UST: variants seen among roughly 807,000 people sequenced by gnomAD.
UST encodes chondroitin sulfate 2-O-sulfotransferase.
In UST, 21 loss-of-function variants were observed where a neutral mutation model predicts 45.6. That is an observed-to-expected ratio of 0.46 (90% CI 0.33 to 0.66). The LOEUF is 0.66. Among genes scored for constraint, UST ranks in the 30% least tolerant of loss-of-function variants. UST has a pLI of 0.02. For synonymous variants in UST, 215 were observed against 200.6 expected, an observed-to-expected ratio of 1.07 and a Z score of -0.61; for missense variants, 463 against 512.4, an observed-to-expected ratio of 0.90 and a Z score of 0.93.
chr6:148,893,527 CAGAG>C (rs1779058432), intron 2 of UST, among the ~76,000 whole-genome samples: 1 of 152,210 alleles, frequency 6.6e-6, no homozygotes, highest in Non-Finnish European at 1.5e-5. Context: ...GAATCAAAGA[CAGAG>C]AGCACATGCT....
chr6:148,967,275 C>T (rs1204864878), intron 5 of UST, among the ~76,000 whole-genome samples: 1 of 151,716 alleles, frequency 6.6e-6, no homozygotes, highest in Non-Finnish European at 1.5e-5. Flanking sequence ...TTGGCAAGGC[C>T]CCAGCAGGAA....
intron 3 of UST, 29 bp downstream of exon 3, chr6:148,941,463 G>A (rs754943421): frequency 1.3e-6 from 2 of 1,570,524 alleles, no homozygotes; most frequent in Non-Finnish European, 1.7e-6. Flanking sequence ...TTGTTAAATT[G>A]TGTTTTGCTT....
intron 5 of UST, among the ~76,000 whole-genome samples, chr6:149,008,590 C>T (rs183201654): frequency 3.3e-5 from 5 of 152,156 alleles, no homozygotes; most frequent in African/African-American, 1.2e-4. Flanking sequence ...TAAAGTTGGG[C>T]CAGGAAGCCA....
chr6:148,889,929 C>A (rs2114847474), intron 2 of UST, among the ~76,000 whole-genome samples: 1 of 151,830 alleles, frequency 6.6e-6, no homozygotes, highest in East Asian at 1.9e-4. Context: ...CAACCCCTAA[C>A]TAAAGCTTCT....
rs149044996 is a variant in UST, at chr6:148,870,865, C to A, written c.248-16121C>A. ...TATTTACTCTTTGAAAGACTCATCA[C>A]ACTCATAAATCAATACTTATTTTAT... On this transcript the variant is annotated intron_variant, in intron 1 of 7. Transcript: ENST00000367463. Among the ~76,000 whole-genome samples the A allele has an allele frequency of 3.3e-3, 502 of 152,292 alleles. 4 individuals carry two copies. Among genetic ancestry groups the A allele is most frequent in the African/African-American group, 0.012 (479 of 41,558 alleles).
intron 5 of UST, among the ~76,000 whole-genome samples, chr6:149,016,055 A>G (rs1775892834): frequency 6.6e-6 from 1 of 152,156 alleles, no homozygotes; most frequent in African/African-American, 2.4e-5. Context: ...GGGGCTTCTC[A>G]GCTCATTTCT....
intron 4 of UST, chr6:148,955,760 C>T (rs1780482244): frequency 6.6e-6 from 1 of 152,270 alleles, no homozygotes; most frequent in Admixed American, 6.5e-5. Flanking sequence ...CCCCTGACAT[C>T]CTTAAACCTC....
intron 1 of UST, among the ~76,000 whole-genome samples, chr6:148,831,625 C>T (rs980890566): frequency 3.3e-5 from 5 of 152,048 alleles, no homozygotes; most frequent in African/African-American, 1.2e-4. Flanking sequence ...TTGTTATCCC[C>T]TATTTTAAAA....
chr6:149,029,866 TTGTGTGTGTGTGTGTGTGTGTG>T (rs3074362), intron 7 of UST, among the ~76,000 whole-genome samples: 3 of 140,706 alleles, frequency 2.1e-5, no homozygotes, highest in South Asian at 2.4e-4. Context: ...GCACTGGATC[TTGTGTGTGTGTGTGTGTGTGTG>T]TGTGTGTGTG....
At chr6:148,915,285 C>T (rs1330182867) in intron 2 of UST, among the ~76,000 whole-genome samples, 3 of 152,110 alleles carry the variant, frequency 2.0e-5, no homozygotes, top group African/African-American at 7.2e-5. Context: ...AGATAGGCAC[C>T]TCTGAGTGGT....
rs184297412 is a variant in UST, at chr6:149,019,292, C to G, written c.779+56C>G. The G allele has an allele frequency of 2.7e-4, 371 of 1,350,480 alleles. 2 individuals are homozygous for G. In the East Asian group the frequency reaches 7.9e-3, roughly 29 times the overall value. The allele number at this position is 1,350,480 out of a possible 1,614,324, so 83.7% of individuals were successfully genotyped here. ...CGTACGCACAACAAGGGCAAGAACC[C>G]CACCAGCCTGGTACTCGGTGGGAAT... On this transcript the variant is annotated intron_variant, in intron 6 of 7. Coordinates refer to ENST00000367463, the MANE Select transcript of UST (RefSeq NM_005715.3).
intron 1 of UST, among the ~76,000 whole-genome samples, chr6:148,781,286 G>A (rs1023132802): frequency 2.0e-5 from 3 of 152,186 alleles, no homozygotes; most frequent in African/African-American, 7.2e-5. Context: ...TGGTAAGAAA[G>A]CTAAGGAGCC....
chr6:148,808,063 G>A (rs765912618), intron 1 of UST, among the ~76,000 whole-genome samples: 6 of 152,092 alleles, frequency 3.9e-5, no homozygotes, highest in Non-Finnish European at 8.8e-5. Flanking sequence ...TTGGGGTTAC[G>A]GGTATCAGTG....
intron 5 of UST, among the ~76,000 whole-genome samples, chr6:148,966,840 G>A (rs928132756): frequency 1.3e-5 from 2 of 152,216 alleles, no homozygotes; most frequent in Admixed American, 6.5e-5. Context: ...GGGTTCAAGC[G>A]ATTCTCCTGC....
At chr6:148,758,279 A>G (rs1776134749) in intron 1 of UST, among the ~76,000 whole-genome samples, 1 of 152,162 alleles carries the variant, frequency 6.6e-6, no homozygotes, top group Non-Finnish European at 1.5e-5. Flanking sequence ...CATCCCACTA[A>G]TTACATATAT....
chr6:148,969,530 A>C (rs1312702756), intron 5 of UST, among the ~76,000 whole-genome samples: 1 of 152,146 alleles, frequency 6.6e-6, no homozygotes, highest in African/African-American at 2.4e-5. Context: ...CCTGCATTAC[A>C]GGGTTGTTGG....
chr6:148,885,230 C>T (rs1260647474), intron 1 of UST, among the ~76,000 whole-genome samples: 1 of 152,086 alleles, frequency 6.6e-6, no homozygotes, highest in Non-Finnish European at 1.5e-5. Flanking sequence ...GAGATTGATT[C>T]CTGGAGAACA....
chr6:149,074,970 G>C lies in UST; in HGVS notation c.*854G>C, dbSNP rs919587076. 6.6e-6 allele frequency: 1 copy of C among 152,208 alleles called. No homozygotes were observed. The highest frequency in any genetic ancestry group is 1.5e-5 in the Non-Finnish European group (1 of 68,100). The allele number at this position is 152,208 out of a possible 1,614,324, so 9.4% of individuals were successfully genotyped here. ...TTGAGACATTCCATTTCAAAGCACC[G>C]TGCTGACAGATATCAAAGTACTCTA... On this transcript the variant is annotated 3_prime_UTR_variant, in exon 8 of 8. Transcript: ENST00000367463.
intron 1 of UST, among the ~76,000 whole-genome samples, chr6:148,865,531 A>AAGAG (rs141807867): frequency 6.9e-4 from 102 of 146,792 alleles, no homozygotes; most frequent in Non-Finnish European, 1.2e-3. Context: ...ATGTTTTAAA[A>AAGAG]AGAGAGAGAG....
Sources: gnomAD v4.1 joint callset for allele counts (sites outside exome capture counted in the v4.1 genomes callset) on GRCh38, gnomAD v4.1.1 for gene constraint, MANE v1.5 for transcripts, NCBI Gene and HGNC (gene_info 2026-07-23, HGNC 2026-07-21) for gene names.